CAMK1D: variants seen among roughly 807,000 people sequenced by gnomAD.
CAMK1D encodes calcium/calmodulin dependent protein kinase ID.
CAMK1D carries 9 observed loss-of-function variants against 47.7 expected under a neutral mutation model. That is an observed-to-expected ratio of 0.19 (90% confidence interval 0.11 to 0.33). The LOEUF is 0.33. Ranked by LOEUF, CAMK1D falls within the 10% of genes least tolerant of loss-of-function variation. The pLI is 1.00. For missense variants in CAMK1D, 291 were observed against 488.7 expected, an observed-to-expected ratio of 0.60 and a Z score of 3.81; for synonymous variants, 184 against 184.9, an observed-to-expected ratio of 0.99 and a Z score of 0.04.
chr10:12,698,493 T>TA (rs2130710037), intron 3 of CAMK1D, among the ~76,000 whole-genome samples: 1 of 152,232 alleles, frequency 6.6e-6, no homozygotes, highest in Non-Finnish European at 1.5e-5. Flanking sequence ...AATTAACAGG[T>TA]AAAAAATTTA....
At chr10:12,465,585 C>T (rs914462031) in intron 1 of CAMK1D, among the ~76,000 whole-genome samples, 2 of 152,206 alleles carry the variant, frequency 1.3e-5, no homozygotes, top group Admixed American at 6.5e-5. Flanking sequence ...GAACTCCTGA[C>T]CTCAAGTGAT....
chr10:12,663,162 T>C (rs1840327701), intron 2 of CAMK1D, among the ~76,000 whole-genome samples: 1 of 151,688 alleles, frequency 6.6e-6, no homozygotes, highest in Non-Finnish European at 1.5e-5. Flanking sequence ...GGTTTCACCA[T>C]GTTGGCCAGG....
At chr10:12,633,837 G>A (rs562471710) in intron 2 of CAMK1D, among the ~76,000 whole-genome samples, 29 of 152,266 alleles carry the variant, frequency 1.9e-4, no homozygotes, top group African/African-American at 7.0e-4. Flanking sequence ...GATTACAAGC[G>A]TCAGCCAACT....
intron 1 of CAMK1D, among the ~76,000 whole-genome samples, chr10:12,387,444 T>C (rs1238123093): frequency 4.1e-5 from 2 of 48,662 alleles, no homozygotes; most frequent in African/African-American, 1.5e-4. Flanking sequence ...TTATATATAT[T>C]TTATATATAT....
intron 5 of CAMK1D, among the ~76,000 whole-genome samples, chr10:12,778,355 T>C (rs1837356764): frequency 6.6e-6 from 1 of 152,166 alleles, no homozygotes; most frequent in Non-Finnish European, 1.5e-5. Context: ...CCCTTTTACA[T>C]GTGGCGGCTG....
At chr10:12,387,382 TATA>T in intron 1 of CAMK1D, among the ~76,000 whole-genome samples, 1 of 32,786 alleles carries the variant, frequency 3.1e-5, no homozygotes, top group African/African-American at 5.1e-5. Flanking sequence ...TATTATATAT[TATA>T]TATATTATAT....
intron 3 of CAMK1D, among the ~76,000 whole-genome samples, chr10:12,691,601 AT>A (rs200652231): frequency 0.014 from 2,038 of 150,538 alleles, 36 homozygotes; most frequent in African/African-American, 0.047. Flanking sequence ...TCCAGCTCAT[AT>A]TTTTTGTATT....
intron 1 of CAMK1D, among the ~76,000 whole-genome samples, chr10:12,374,767 C>A (rs1444442147): frequency 6.6e-6 from 1 of 151,988 alleles, no homozygotes; most frequent in Non-Finnish European, 1.5e-5. Context: ...CATGGCGAAA[C>A]CTTGTCTCTA....
chr10:12,693,483 G>C (rs1833015820), intron 3 of CAMK1D, among the ~76,000 whole-genome samples: 1 of 151,724 alleles, frequency 6.6e-6, no homozygotes, highest in African/African-American at 2.4e-5. Flanking sequence ...CAAAAACCAA[G>C]CAAACAAAAA....
intron 9 of CAMK1D, among the ~76,000 whole-genome samples, chr10:12,825,134 C>T (rs77978110): frequency 0.035 from 12 of 344 alleles, no homozygotes; most frequent in African/African-American, 0.12. Context: ...ATTAGGTTGG[C>T]GCAAAAGTAG....
At chr10:12,535,774 A>G (rs1477477064) in intron 1 of CAMK1D, among the ~76,000 whole-genome samples, 2 of 152,198 alleles carry the variant, frequency 1.3e-5, no homozygotes, top group African/African-American at 4.8e-5. Flanking sequence ...GTTTTGTGGT[A>G]GGGTCTGTTG....
rs972454351 is a variant in CAMK1D, at chr10:12,389,854, C to A, written c.92+39944C>A. Among the ~76,000 whole-genome samples the A allele has an allele frequency of 2.0e-5, 3 of 151,624 alleles. No homozygotes were observed. In the South Asian group the frequency reaches 6.2e-4, roughly 32 times the overall value. ...TCATTTGATTTTTTTTTTTTGATGC[C>A]TTCTGTCTGCATTTAGGTCAGTGGA... On this transcript the variant is annotated intron_variant, in intron 1 of 10. Transcript: ENST00000619168.
chr10:12,455,076 C>T lies in CAMK1D; in HGVS notation c.93-98149C>T, dbSNP rs79314327. Among the ~76,000 whole-genome samples the T allele has an allele frequency of 6.9e-3, 1,050 of 152,270 alleles. 14 individuals carry two copies. Among genetic ancestry groups the T allele is most frequent in the African/African-American group, 0.023 (963 of 41,556 alleles). ...TGCCACTTTGGATGAAAGCTTCCCT[C>T]GAGGCAGATTTTCCAGTATTCCAAA... is the stretch of plus-strand genomic sequence containing the variant. On this transcript the variant is annotated intron_variant, in intron 1 of 10. Transcript: ENST00000619168.
chr10:12,562,342 C>G (rs1024252626), intron 2 of CAMK1D, among the ~76,000 whole-genome samples: 19 of 152,164 alleles, frequency 1.2e-4, no homozygotes, highest in Admixed American at 4.6e-4. Flanking sequence ...TGAAACAATT[C>G]CTAGCACTGC....
intron 1 of CAMK1D, among the ~76,000 whole-genome samples, chr10:12,434,061 C>T (rs759735089): frequency 6.6e-6 from 1 of 152,202 alleles, no homozygotes; most frequent in Admixed American, 6.5e-5. Context: ...GCCTTGAACT[C>T]CTGGGCTCAA....
intron 1 of CAMK1D, among the ~76,000 whole-genome samples, chr10:12,544,637 C>T (rs575502696): frequency 6.6e-6 from 1 of 152,332 alleles, no homozygotes; most frequent in South Asian, 2.1e-4. Context: ...TCTTTCTGCA[C>T]AGGCTTGCAT....
chr10:12,563,674 A>G (rs12253167), intron 2 of CAMK1D, among the ~76,000 whole-genome samples: 26,804 of 95,396 alleles, frequency 0.28, 2,755 homozygotes, highest in Non-Finnish European at 0.34. Flanking sequence ...TGAGAGAGAG[A>G]GAGAGAGAGA....
At chr10:12,481,906 A>AGCTCG (rs1450931162) in intron 1 of CAMK1D, among the ~76,000 whole-genome samples, 2 of 152,154 alleles carry the variant, frequency 1.3e-5, no homozygotes, top group African/African-American at 4.8e-5. Context: ...CAGCCCAGGG[A>AGCTCG]GCTCGGGCCT....
intron 3 of CAMK1D, among the ~76,000 whole-genome samples, chr10:12,680,434 C>G (rs1331716122): frequency 1.3e-5 from 2 of 152,154 alleles, no homozygotes; most frequent in African/African-American, 4.8e-5. Context: ...ATTCTGTGGT[C>G]TCGTGTTGTT....
Sources: allele counts gnomAD v4.1 joint callset (sites outside exome capture counted in the v4.1 genomes callset), GRCh38; gene constraint gnomAD v4.1.1; transcripts MANE v1.5; gene names NCBI Gene and HGNC (gene_info 2026-07-23, HGNC 2026-07-21).